Variants in NMT2 observed in about 807,000 individuals in gnomAD.
The protein encoded by NMT2 is N-myristoyltransferase 2.
Under a neutral mutation model 65.4 loss-of-function variants are expected in NMT2, and 35 were observed. The observed-to-expected ratio is 0.54, with a 90% CI of 0.41 to 0.71. The LOEUF (loss-of-function observed/expected upper bound fraction) is 0.71, where lower values mean the gene tolerates loss of function less well. Among genes scored for constraint, NMT2 ranks in the 30% least tolerant of loss-of-function variants. NMT2 has a pLI of 0.00. For synonymous variants in NMT2, 226 were observed against 231.8 expected, an observed-to-expected ratio of 0.98 and a Z score of 0.23; for missense variants, 489 against 611.3, an observed-to-expected ratio of 0.80 and a Z score of 2.11.
chr10:15,153,076 A>G (rs554566837), intron 1 of NMT2, among the ~76,000 whole-genome samples: 1 of 152,004 alleles, frequency 6.6e-6, no homozygotes, highest in African/African-American at 2.4e-5. Flanking sequence ...AAAGAGAAAC[A>G]GCTCTCTCTA....
chr10:15,143,895 T>C (rs1391021359), intron 1 of NMT2, among the ~76,000 whole-genome samples: 1 of 151,994 alleles, frequency 6.6e-6, no homozygotes, highest in Non-Finnish European at 1.5e-5. Context: ...ATAATAATAG[T>C]CTCTAAAACA....
intron 1 of NMT2, chr10:15,155,464 G>A (rs931286563): frequency 5.4e-5 from 26 of 481,294 alleles, no homozygotes; most frequent in African/African-American, 9.8e-5. Flanking sequence ...GAACTTCCGG[G>A]CTCAAGTGAT....
At position 15,106,738 on chromosome 10, in the gene NMT2, G is replaced by T; in HGVS notation, c.*2457C>A. ...AGAGTGAATATCTTAGGCTTTGCAG[G>T]CCACACAATCTGTCACAACAACTCA... On this transcript the variant is annotated 3_prime_UTR_variant, in exon 12 of 12. Coordinates refer to ENST00000378165, the MANE Select transcript of NMT2 (RefSeq NM_004808.3). 2.6e-6 allele frequency: 2 copies of T among 756,936 alleles called. No homozygotes were observed. Among genetic ancestry groups the T allele is most frequent in the Non-Finnish European group, 3.2e-6 (2 of 621,204 alleles). The allele number at this position is 756,936 out of a possible 1,614,324, so 46.9% of individuals were successfully genotyped here. A position where few individuals can be genotyped will look rare whatever the true frequency, so the allele number is the denominator to read the frequency against.
chr10:15,141,786 G>A (rs1167070025), intron 1 of NMT2, among the ~76,000 whole-genome samples: 2 of 152,204 alleles, frequency 1.3e-5, no homozygotes, highest in Non-Finnish European at 2.9e-5. Flanking sequence ...TAGAAGTCAC[G>A]AAGCAGGAAG....
chr10:15,166,014 T>C (rs1315204334), intron 1 of NMT2, among the ~76,000 whole-genome samples: 2 of 152,180 alleles, frequency 1.3e-5, no homozygotes, highest in East Asian at 1.9e-4. Context: ...CTCTTAGCAT[T>C]ATCTATAAAA....
chr10:15,112,980 T>C lies in NMT2; in HGVS notation c.1171-17A>G. 10 of 1,613,280 alleles carry C rather than the reference T, an allele frequency of 6.2e-6. No homozygotes were observed. The highest frequency in any genetic ancestry group is 7.6e-6 in the Non-Finnish European group (9 of 1,179,384). Reference sequence around the variant, plus strand: ...GTTGGGGCTCTAGGAGCAAAAGTGCTGTCAGACAGAGATCTCCTTGAACCA... The same window carrying C: ...GTTGGGGCTCTAGGAGCAAAAGTGCCGTCAGACAGAGATCTCCTTGAACCA... On this transcript the variant is annotated splice_polypyrimidine_tract_variant and intron_variant, in intron 9 of 11. Transcript: ENST00000378165.
intron 1 of NMT2, 103 bp from the exon 2 acceptor site, chr10:15,141,660 T>C: frequency 2.2e-6 from 3 of 1,382,750 alleles, no homozygotes; most frequent in Non-Finnish European, 2.9e-6. Context: ...AGCTGTTACA[T>C]GCAGTAGAAA....
intron 1 of NMT2, chr10:15,154,856 C>T (rs1564588937): frequency 1.3e-6 from 1 of 784,874 alleles, no homozygotes; most frequent in Non-Finnish European, 2.2e-6. Flanking sequence ...CATTCTTGGA[C>T]CCATAGCGCT....
chr10:15,115,759 C>G (rs1009972351), intron 9 of NMT2, among the ~76,000 whole-genome samples: 1 of 152,018 alleles, frequency 6.6e-6, no homozygotes, highest in African/African-American at 2.4e-5. Context: ...GGAAAAAGTC[C>G]AAACAATTTT....
At chr10:15,156,573 C>A (rs900997830) in intron 1 of NMT2, among the ~76,000 whole-genome samples, 4 of 152,056 alleles carry the variant, frequency 2.6e-5, no homozygotes, top group Non-Finnish European at 4.4e-5. Flanking sequence ...GGCGTTTTTG[C>A]TTAGTGATTC....
intron 1 of NMT2, 66 bp from the exon 2 acceptor site, chr10:15,141,623 C>T: frequency 6.6e-7 from 1 of 1,507,344 alleles, no homozygotes; most frequent in Non-Finnish European, 8.9e-7. Flanking sequence ...AATTGAATTG[C>T]ATACAATTAA....
At chr10:15,163,902 G>A (rs528879999) in intron 1 of NMT2, among the ~76,000 whole-genome samples, 1 of 152,118 alleles carries the variant, frequency 6.6e-6, no homozygotes, top group Non-Finnish European at 1.5e-5. Flanking sequence ...GTCTTAGGCC[G>A]GGGACGGTGG....
At chr10:15,154,989 T>C (rs1044523379) in intron 1 of NMT2, 16 of 1,173,030 alleles carry the variant, frequency 1.4e-5, no homozygotes, top group Non-Finnish European at 1.9e-5. Context: ...GGGTCCAGCA[T>C]TTGCCATGGA....
intron 1 of NMT2, among the ~76,000 whole-genome samples, chr10:15,145,923 G>A (rs1340357711): frequency 2.6e-5 from 4 of 152,196 alleles, no homozygotes; most frequent in Non-Finnish European, 5.9e-5. Flanking sequence ...GGTGCTAAGC[G>A]GGCTTCCAGA....
intron 1 of NMT2, among the ~76,000 whole-genome samples, chr10:15,143,904 C>A (rs1589340469): frequency 6.6e-6 from 1 of 152,120 alleles, no homozygotes; most frequent in African/African-American, 2.4e-5. Context: ...GTCTCTAAAA[C>A]AGATAAACTC....
intron 11 of NMT2, 53 bp downstream of exon 11, chr10:15,109,649 A>G: frequency 7.1e-7 from 1 of 1,398,838 alleles, no homozygotes; most frequent in Non-Finnish European, 9.5e-7. Flanking sequence ...GCAAGTATGA[A>G]ATTGTCTAGG....
At position 15,114,070 on chromosome 10, in the gene NMT2, A is replaced by G. The variant is rs114496317; in HGVS notation, c.1171-1107T>C. Among the ~76,000 whole-genome samples the G allele has an allele frequency of 2.6e-3, 403 of 152,340 alleles. 1 individual carries two copies. The highest frequency in any genetic ancestry group is 9.1e-3 in the African/African-American group (380 of 41,576). ...TTTGGTTTTCAAAGGCTTCCGAGTCATTAGACCTTTCTTCAGCCAGCAAGA... is the reference window on the plus strand; with the variant it reads ...TTTGGTTTTCAAAGGCTTCCGAGTCGTTAGACCTTTCTTCAGCCAGCAAGA... On this transcript the variant is annotated intron_variant, in intron 9 of 11. Coordinates refer to ENST00000378165, the MANE Select transcript of NMT2 (RefSeq NM_004808.3).
intron 1 of NMT2, among the ~76,000 whole-genome samples, chr10:15,153,027 CT>C (rs970426720): frequency 1.2e-4 from 18 of 151,900 alleles, no homozygotes; most frequent in Admixed American, 2.6e-4. Context: ...AGCAGCCCCC[CT>C]TTTTTTTATG....
intron 9 of NMT2, among the ~76,000 whole-genome samples, chr10:15,118,624 A>G (rs989380641): frequency 6.6e-6 from 1 of 152,200 alleles, no homozygotes; most frequent in Non-Finnish European, 1.5e-5. Context: ...GTAAATAGCA[A>G]GTTTATAAAA....
Sources: gnomAD v4.1 joint callset for allele counts (sites outside exome capture counted in the v4.1 genomes callset) on GRCh38, gnomAD v4.1.1 for gene constraint, MANE v1.5 for transcripts, NCBI Gene and HGNC (gene_info 2026-07-23, HGNC 2026-07-21) for gene names.